The following APPL2 variants were observed in gnomAD, a reference collection of about 807,000 sequenced individuals.
The protein encoded by APPL2 is DCC-interacting protein 13-beta.
In APPL2, 84 loss-of-function variants were observed where a neutral mutation model predicts 92.7. The observed-to-expected ratio is 0.91, with a 90% confidence interval of 0.76 to 1.09. The LOEUF (loss-of-function observed/expected upper bound fraction) is 1.09, where lower values mean the gene tolerates loss of function less well. Ranked by LOEUF, APPL2 falls within the 50% of genes least tolerant of loss-of-function variation. The pLI is 0.00. For synonymous variants in APPL2, 291 were observed against 291.0 expected, an observed-to-expected ratio of 1.00 and a Z score of 0.00; for missense variants, 736 against 824.5, an observed-to-expected ratio of 0.89 and a Z score of 1.31.
intron 17 of APPL2, among the ~76,000 whole-genome samples, chr12:105,183,363 A>G (rs1298103955): frequency 1.3e-5 from 2 of 151,984 alleles, no homozygotes; most frequent in Non-Finnish European, 2.9e-5. Flanking sequence ...GATGGTTTTT[A>G]CATTTTGGTA....
chr12:105,235,894 G>C (rs918076665), intron 1 of APPL2, 65 bp downstream of exon 1: 12 of 1,202,756 alleles, frequency 1.0e-5, no homozygotes, highest in African/African-American at 3.2e-5. Context: ...CCTCCACTCC[G>C]GGGCTGGAGG....
chr12:105,217,148 C>A lies in APPL2; in HGVS notation c.214-8G>T. Reference sequence around the variant, plus strand: ...TTTGCCAAGAGCAAAGTTCTAAGACCAAAGAATAAAAGAAGCAGGTGTTAA... The same window carrying A: ...TTTGCCAAGAGCAAAGTTCTAAGACAAAAGAATAAAAGAAGCAGGTGTTAA... On this transcript the variant is annotated splice_polypyrimidine_tract_variant and splice_region_variant and intron_variant, in intron 3 of 20. Coordinates refer to ENST00000258530, the MANE Select transcript of APPL2 (RefSeq NM_018171.5). 6.3e-7 allele frequency: 1 copy of A among 1,593,352 alleles called. No homozygotes were observed. Among genetic ancestry groups the A allele is most frequent in the South Asian group, 1.1e-5 (1 of 87,740 alleles).
rs1227610966 is a variant in APPL2 at position 105,211,273 on chromosome 12, T to C, written c.330A>G (p.Thr110=). The change falls in exon 5 of 21, where the codon ACA becomes ACG. Residue 110 remains threonine (T), a synonymous_variant. Transcript: ENST00000258530. ...HTELAKQLAD[T]MVLPIIQFRE... is the part of the protein sequence containing the mutation. ...GGAATTGTATGATAGGTAGAACCAT[T>C]GTGTCTGCCAACTGTTTAGCCAGCT... 3 of 1,614,044 alleles carry C rather than the reference T, an allele frequency of 1.9e-6. No homozygotes were observed. The highest frequency in any genetic ancestry group is 1.7e-5 in the Admixed American group (1 of 60,026).
intron 14 of APPL2, among the ~76,000 whole-genome samples, chr12:105,194,311 T>C (rs1887456729): frequency 6.6e-6 from 1 of 152,138 alleles, no homozygotes; most frequent in African/African-American, 2.4e-5. Context: ...CTATTCAAAA[T>C]GAGGAAAGCT....
chr12:105,214,485 T>C (rs951977919), intron 4 of APPL2, among the ~76,000 whole-genome samples: 2 of 152,256 alleles, frequency 1.3e-5, no homozygotes, highest in African/African-American at 4.8e-5. Context: ...TAATCACATC[T>C]TCTATGTATC....
intron 9 of APPL2, among the ~76,000 whole-genome samples, chr12:105,202,320 T>G (rs1418349151): frequency 3.3e-5 from 5 of 152,122 alleles, no homozygotes; most frequent in African/African-American, 1.2e-4. Flanking sequence ...GGTGCTATAC[T>G]TGGGTTGGCC....
rs780676994 is a variant in APPL2 at position 105,199,547 on chromosome 12, G to A, written c.705-16C>T. 3.1e-6 allele frequency: 5 copies of A among 1,610,834 alleles called. No homozygotes were observed. In the Admixed American group the frequency reaches 6.7e-5, roughly 22 times the overall value. ...TACCTGAATGCTTAAGACAGAAGGT[G>A]TTGGGTCAGTTACTCACTGCTGGCC... On this transcript the variant is annotated splice_polypyrimidine_tract_variant and intron_variant, in intron 9 of 20. Transcript: ENST00000258530.
intron 2 of APPL2, among the ~76,000 whole-genome samples, chr12:105,223,284 G>A (rs980714685): frequency 1.3e-5 from 2 of 152,132 alleles, no homozygotes; most frequent in Non-Finnish European, 2.9e-5. Flanking sequence ...ACGTTGTTTC[G>A]AATAAAGACC....
In APPL2 at chr12:105,195,242, TTC is replaced by T. The variant is rs1036366173; in HGVS notation, c.1241+17_1241+18del. On this transcript the variant is annotated intron_variant, in intron 14 of 20. Transcript: ENST00000258530. ...AATTTGGCTCCACAAAAGCTAGTTTTTCTTTGTCCTTTAGTTACCTGGGGCAT... is the reference window on the plus strand; with the variant it reads ...AATTTGGCTCCACAAAAGCTAGTTTTTTTGTCCTTTAGTTACCTGGGGCAT... The T allele has an allele frequency of 1.2e-6, 2 of 1,612,882 alleles. No individual in the cohort carries two copies. The highest frequency in any genetic ancestry group is 1.7e-5 in the Admixed American group (1 of 59,890).
At chr12:105,196,338 T>C (rs1270327147) in intron 11 of APPL2, among the ~76,000 whole-genome samples, 2 of 151,166 alleles carry the variant, frequency 1.3e-5, no homozygotes, top group Admixed American at 6.6e-5. Context: ...CATTCACTCC[T>C]TTCCCAGAAC....
intron 10 of APPL2, among the ~76,000 whole-genome samples, chr12:105,198,413 G>A (rs1025277368): frequency 2.6e-5 from 4 of 152,172 alleles, no homozygotes; most frequent in African/African-American, 9.7e-5. Context: ...TTCTTGTTTT[G>A]TGGGCAGCTT....
intron 2 of APPL2, among the ~76,000 whole-genome samples, chr12:105,227,996 C>T (rs932867349): frequency 6.6e-6 from 1 of 152,228 alleles, no homozygotes; most frequent in Non-Finnish European, 1.5e-5. Context: ...CTCCTGGCCC[C>T]TCTAAGGCTC....
In APPL2 at chr12:105,176,865, GA is replaced by G. The variant is rs1566044703; in HGVS notation, c.1812+10del. ...CTGGGATATTATGGGATCTTCACAT[GA>G]AAAAGAGACCTTTTCGCCTTCTGAG... On this transcript the variant is annotated intron_variant, in intron 19 of 20. Coordinates refer to ENST00000258530, the MANE Select transcript of APPL2 (RefSeq NM_018171.5). 1.2e-6 allele frequency: 2 copies of G among 1,612,534 alleles called. No individual in the cohort carries two copies. The highest frequency in any genetic ancestry group is 2.2e-5 in the East Asian group (1 of 44,858).
chr12:105,203,368 A>C (rs1032741722), intron 9 of APPL2: 1 of 277,470 alleles, frequency 3.6e-6, no homozygotes, highest in African/African-American at 2.2e-5. Context: ...GTTTCCTGAA[A>C]AGTGACAGCA....
intron 17 of APPL2, among the ~76,000 whole-genome samples, chr12:105,186,568 T>C (rs561726154): frequency 2.2e-5 from 3 of 134,254 alleles, no homozygotes; most frequent in Non-Finnish European, 4.7e-5. Context: ...TGGGTTCCAG[T>C]TTCTTCACAT....
At position 105,203,800 on chromosome 12, in the gene APPL2, T is replaced by C. The variant is rs1207864981; in HGVS notation, c.622-15A>G. 6.3e-7 allele frequency: 1 copy of C among 1,599,142 alleles called. No individual in the cohort carries two copies. The highest frequency in any genetic ancestry group is 1.3e-5 in the African/African-American group (1 of 74,560). On this transcript the variant is annotated splice_polypyrimidine_tract_variant and intron_variant, in intron 8 of 20. Coordinates refer to ENST00000258530, the MANE Select transcript of APPL2 (RefSeq NM_018171.5). ...AAAAAGTTAATCTGAAAGATATAAT[T>C]ATAATATTCTGAAAATCATCCAGGG...
intron 14 of APPL2, among the ~76,000 whole-genome samples, chr12:105,192,716 T>C (rs1403623473): frequency 3.3e-5 from 5 of 152,176 alleles, no homozygotes; most frequent in Admixed American, 6.5e-5. Context: ...CTCCTTAACA[T>C]TGGGGTGCTT....
intron 10 of APPL2, 160 bp downstream of exon 10, chr12:105,199,211 AGG>A (rs1887925015): frequency 1.2e-6 from 1 of 800,826 alleles, no homozygotes. Flanking sequence ...TGGGCCCCAG[AGG>A]TTTCCTGTGT....
Position 105,236,167 on chromosome 12 carries a change from C to CGCCGCCTGCCCGCCGGCCCA in APPL2, c.-156_-155insTGGGCCGGCGGGCAGGCGGC, listed in dbSNP as rs1443601720. ...GCGTCCACGCCTGGCCAGTGGCCGC[C>CGCCGCCTGCCCGCCGGCCCA]GCCGCCTGCCCGCCGGCCCAGCCCC... On this transcript the variant is annotated 5_prime_UTR_variant, in exon 1 of 21. Transcript: ENST00000258530. The CGCCGCCTGCCCGCCGGCCCA allele has an allele frequency of 3.6e-6, 1 of 278,114 alleles. No homozygotes were observed. The highest frequency in any genetic ancestry group is 5.7e-6 in the Non-Finnish European group (1 of 174,256). The allele number at this position is 278,114 out of a possible 1,614,324, so 17.2% of individuals were successfully genotyped here. A position where few individuals can be genotyped will look rare whatever the true frequency, so the allele number is the denominator to read the frequency against.
Sources: allele counts gnomAD v4.1 joint callset (sites outside exome capture counted in the v4.1 genomes callset), GRCh38; gene constraint gnomAD v4.1.1; transcripts MANE v1.5; gene names NCBI Gene and HGNC (gene_info 2026-07-23, HGNC 2026-07-21).